The following DCC variants were observed in gnomAD, a reference collection of about 807,000 sequenced individuals.
The protein encoded by DCC is netrin receptor DCC.
DCC carries 58 observed loss-of-function variants against 172.5 expected under a neutral mutation model. That is an observed-to-expected ratio of 0.34 (90% CI 0.27 to 0.42). The LOEUF (loss-of-function observed/expected upper bound fraction) is 0.42. Ranked by LOEUF, DCC falls within the 10% of genes least tolerant of loss-of-function variation. The pLI, the probability that DCC is intolerant of heterozygous loss-of-function variation, is 1.00. For missense variants in DCC, 1,740 were observed against 1,791.0 expected (o/e 0.97, Z 0.51); for synonymous variants, 709 against 644.5 (o/e 1.10, Z -1.52).
At chr18:52,448,060 G>A (rs1988180135) in intron 1 of DCC, among the ~76,000 whole-genome samples, 1 of 152,182 alleles carries the variant, frequency 6.6e-6, no homozygotes, top group Non-Finnish European at 1.5e-5. Flanking sequence ...ACTGGTACTG[G>A]TCTGTGGCCT....
At chr18:52,722,280 C>T (rs1358392375) in intron 1 of DCC, among the ~76,000 whole-genome samples, 1 of 152,094 alleles carries the variant, frequency 6.6e-6, no homozygotes, top group Non-Finnish European at 1.5e-5. Context: ...TTATATTGTT[C>T]CTTTTTAAAC....
intron 1 of DCC, among the ~76,000 whole-genome samples, chr18:52,341,681 C>A (rs1198635146): frequency 6.6e-6 from 1 of 152,134 alleles, no homozygotes; most frequent in Non-Finnish European, 1.5e-5. Flanking sequence ...GAAAGAGGGA[C>A]CTGGAGGCTG....
chr18:52,662,749 G>A (rs955659068), intron 1 of DCC, among the ~76,000 whole-genome samples: 1 of 152,224 alleles, frequency 6.6e-6, no homozygotes, highest in Non-Finnish European at 1.5e-5. Flanking sequence ...CATTTTGGCT[G>A]CTATAACAAA....
chr18:52,765,805 C>T (rs2037240690), intron 2 of DCC, among the ~76,000 whole-genome samples: 1 of 152,188 alleles, frequency 6.6e-6, no homozygotes. Flanking sequence ...GCCTCAGAAT[C>T]TATCTCTTGG....
At chr18:52,436,288 G>A (rs1013919805) in intron 1 of DCC, among the ~76,000 whole-genome samples, 4 of 152,284 alleles carry the variant, frequency 2.6e-5, no homozygotes, top group African/African-American at 9.6e-5. Context: ...CCATGTTTAC[G>A]ACTTCACTGA....
intron 1 of DCC, among the ~76,000 whole-genome samples, chr18:52,705,385 G>A (rs2036189505): frequency 6.6e-6 from 1 of 152,130 alleles, no homozygotes; most frequent in African/African-American, 2.4e-5. Context: ...TATGGTGTTC[G>A]GAAGTCTATG....
intron 1 of DCC, among the ~76,000 whole-genome samples, chr18:52,648,457 C>A (rs1311979379): frequency 6.6e-6 from 1 of 152,150 alleles, no homozygotes; most frequent in Non-Finnish European, 1.5e-5. Context: ...CAAAGTATCG[C>A]GTAACTATGT....
chr18:53,246,906 C>A (rs2056371589), intron 12 of DCC, among the ~76,000 whole-genome samples: 1 of 151,956 alleles, frequency 6.6e-6, no homozygotes, highest in African/African-American at 2.4e-5. Context: ...GCTCTAAATG[C>A]AGTTAGAAAA....
At chr18:53,269,038 C>T (rs1273347343) in intron 12 of DCC, among the ~76,000 whole-genome samples, 1 of 151,962 alleles carries the variant, frequency 6.6e-6, no homozygotes, top group African/African-American at 2.4e-5. Flanking sequence ...ATCTCAGGGG[C>T]AAGTTTTACT....
chr18:52,667,288 A>G (rs1285529275), intron 1 of DCC, among the ~76,000 whole-genome samples: 1 of 152,222 alleles, frequency 6.6e-6, no homozygotes, highest in African/African-American at 2.4e-5. Context: ...GATATATGCC[A>G]GTGACAATGT....
At chr18:52,912,594 T>C (rs2039986457) in intron 3 of DCC, among the ~76,000 whole-genome samples, 1 of 152,028 alleles carries the variant, frequency 6.6e-6, no homozygotes, top group African/African-American at 2.4e-5. Flanking sequence ...ACCTCTCCAG[T>C]AACATTATTT....
At chr18:52,496,938 A>G (rs2030776305) in intron 1 of DCC, among the ~76,000 whole-genome samples, 1 of 151,978 alleles carries the variant, frequency 6.6e-6, no homozygotes, top group Non-Finnish European at 1.5e-5. Flanking sequence ...TCAAGGAGAA[A>G]AGAGCCACTT....
chr18:53,358,530 C>CTCTTTT (rs74180418), intron 15 of DCC, among the ~76,000 whole-genome samples: 3 of 95,920 alleles, frequency 3.1e-5, no homozygotes, highest in Admixed American at 1.3e-4. Context: ...TTCTCTCTCT[C>CTCTTTT]TTTTTTTTTT....
intron 15 of DCC, among the ~76,000 whole-genome samples, chr18:53,341,578 T>C (rs2057660607): frequency 6.6e-6 from 1 of 152,202 alleles, no homozygotes; most frequent in East Asian, 1.9e-4. Flanking sequence ...CACACATAGA[T>C]AGGTATGTAA....
intron 5 of DCC, among the ~76,000 whole-genome samples, chr18:53,010,636 A>T (rs534859844): frequency 2.7e-5 from 4 of 150,794 alleles, no homozygotes; most frequent in Non-Finnish European, 5.9e-5. Context: ...AATATATTTA[A>T]TACAAGATAT....
intron 1 of DCC, among the ~76,000 whole-genome samples, chr18:52,587,904 G>T (rs2033713015): frequency 6.6e-6 from 1 of 152,144 alleles, no homozygotes; most frequent in Non-Finnish European, 1.5e-5. Context: ...GAAACCATGG[G>T]CATTTAAGCC....
chr18:53,084,358 A>G (rs1230218188), intron 7 of DCC, among the ~76,000 whole-genome samples: 1 of 152,218 alleles, frequency 6.6e-6, no homozygotes, highest in African/African-American at 2.4e-5. Context: ...ATCATCTCTC[A>G]AAGGACCCTC....
intron 1 of DCC, among the ~76,000 whole-genome samples, chr18:52,497,398 T>C (rs1019512793): frequency 2.9e-5 from 4 of 136,552 alleles, no homozygotes; most frequent in African/African-American, 1.1e-4. Flanking sequence ...CACATATACA[T>C]ATGTGTATAT....
chr18:52,924,869 T>C (rs1268263132), intron 4 of DCC, among the ~76,000 whole-genome samples: 2 of 152,022 alleles, frequency 1.3e-5, no homozygotes, highest in African/African-American at 2.4e-5. Context: ...GGTTACTAAA[T>C]TGGATTTCAG....
Sources: gnomAD v4.1 joint callset for allele counts (sites outside exome capture counted in the v4.1 genomes callset) on GRCh38, gnomAD v4.1.1 for gene constraint, MANE v1.5 for transcripts, NCBI Gene and HGNC (gene_info 2026-07-23, HGNC 2026-07-21) for gene names.